Variants in TMEM232 observed in about 807,000 individuals in gnomAD.
TMEM232 encodes transmembrane protein 232.
Under a neutral mutation model 78.8 loss-of-function variants are expected in TMEM232, and 80 were observed. The observed-to-expected ratio is 1.01, with a 90% CI of 0.85 to 1.22. TMEM232 has a LOEUF of 1.22. TMEM232 is among the 50% of genes most tolerant of loss of function. TMEM232 has a pLI of 0.00. For missense variants in TMEM232, 881 were observed against 742.2 expected, an observed-to-expected ratio of 1.19 and a Z score of -2.17; for synonymous variants, 297 against 254.3, an observed-to-expected ratio of 1.17 and a Z score of -1.60.
chr5:110,574,685 C>T (rs1019481806), intron 10 of TMEM232, among the ~76,000 whole-genome samples: 7 of 152,024 alleles, frequency 4.6e-5, no homozygotes, highest in African/African-American at 1.7e-4. Context: ...CCATAGTTGA[C>T]CATACTCTAT....
chr5:110,617,459 TG>T (rs1040883190), intron 8 of TMEM232, among the ~76,000 whole-genome samples: 2 of 152,158 alleles, frequency 1.3e-5, no homozygotes, highest in Admixed American at 1.3e-4. Context: ...TGTGAGGTGA[TG>T]GATATGTTAA....
chr5:110,627,301 C>T lies in TMEM232; in HGVS notation c.601+480G>A, dbSNP rs968559158. 3.3e-5 allele frequency among the ~76,000 whole-genome samples: 5 copies of T among 151,708 alleles called. No homozygotes were observed. In the South Asian group the frequency reaches 1.0e-3, roughly 32 times the overall value. ...AAATTCAGGGAGGTAGATACTATTACAAATAAGAAAACTGAGTCACAAAAA... is the reference window on the plus strand; with the variant it reads ...AAATTCAGGGAGGTAGATACTATTATAAATAAGAAAACTGAGTCACAAAAA... On this transcript the variant is annotated intron_variant, in intron 6 of 13. Coordinates refer to ENST00000455884, the MANE Select transcript of TMEM232 (RefSeq NM_001039763.4).
intron 2 of TMEM232, among the ~76,000 whole-genome samples, chr5:110,402,777 A>C (rs1383962760): frequency 6.6e-6 from 1 of 152,108 alleles, no homozygotes; most frequent in Non-Finnish European, 1.5e-5. Context: ...GCCTACAATG[A>C]ATGACACTTG....
At chr5:110,607,810 C>A (rs368673465) in intron 8 of TMEM232, among the ~76,000 whole-genome samples, 2 of 151,734 alleles carry the variant, frequency 1.3e-5, no homozygotes, top group East Asian at 1.9e-4. Flanking sequence ...TTCTCCTTTG[C>A]GCATCCTCTT....
chr5:110,606,302 G>C lies in TMEM232; in HGVS notation c.903-15C>G. Reference sequence around the variant, plus strand: ...CTGAATCCAACCTGAAAATTTTATGGACGAAAGGATAAAGATTTTAATGGA... The same window carrying C: ...CTGAATCCAACCTGAAAATTTTATGCACGAAAGGATAAAGATTTTAATGGA... On this transcript the variant is annotated splice_polypyrimidine_tract_variant and intron_variant, in intron 8 of 13. Transcript: ENST00000455884. 1 of 1,506,662 alleles carries C rather than the reference G, an allele frequency of 6.6e-7. No homozygotes were observed. The highest frequency in any genetic ancestry group is 8.9e-7 in the Non-Finnish European group (1 of 1,123,734). The allele number at this position is 1,506,662 out of a possible 1,614,324, so 93.3% of individuals were successfully genotyped here. A position where few individuals can be genotyped will look rare whatever the true frequency, so the allele number is the denominator to read the frequency against.
intron 12 of TMEM232, among the ~76,000 whole-genome samples, chr5:110,481,142 A>G (rs1166329374): frequency 1.3e-5 from 2 of 152,122 alleles, no homozygotes; most frequent in Non-Finnish European, 2.9e-5. Flanking sequence ...TAGGCAGAAT[A>G]TAATATATTC....
intron 1 of TMEM232, among the ~76,000 whole-genome samples, chr5:110,688,650 C>T (rs979652264): frequency 1.3e-5 from 2 of 152,090 alleles, no homozygotes; most frequent in African/African-American, 2.4e-5. Context: ...TGACCCAATA[C>T]CCTGAGGTAC....
At chr5:110,642,142 T>C in intron 3 of TMEM232, 118 bp downstream of exon 3, 1 of 572,102 alleles carries the variant, frequency 1.7e-6, no homozygotes, top group Non-Finnish European at 2.8e-6. Flanking sequence ...TAACTATCCC[T>C]ACTTATAATT....
At chr5:110,695,038 A>T (rs1006535918) in intron 1 of TMEM232, among the ~76,000 whole-genome samples, 2 of 152,066 alleles carry the variant, frequency 1.3e-5, no homozygotes, top group Non-Finnish European at 2.9e-5. Context: ...CCAAAATTGA[A>T]CACATAGTTG....
intron 11 of TMEM232, among the ~76,000 whole-genome samples, chr5:110,562,210 T>C (rs1049213480): frequency 6.6e-6 from 1 of 152,124 alleles, no homozygotes; most frequent in Non-Finnish European, 1.5e-5. Flanking sequence ...CCACTTAGCA[T>C]CTCTGTTTCC....
At chr5:110,463,958 G>T (rs569761827) in intron 12 of TMEM232, among the ~76,000 whole-genome samples, 1 of 152,286 alleles carries the variant, frequency 6.6e-6, no homozygotes, top group African/African-American at 2.4e-5. Context: ...CCTCCTATTT[G>T]AAATACTCAT....
intron 12 of TMEM232, among the ~76,000 whole-genome samples, chr5:110,504,547 A>G (rs1419253879): frequency 6.6e-6 from 1 of 152,222 alleles, no homozygotes; most frequent in African/African-American, 2.4e-5. Context: ...CAAGATCTGC[A>G]GTTGGCAAGC....
intron 12 of TMEM232, among the ~76,000 whole-genome samples, chr5:110,522,857 G>T (rs1769752369): frequency 6.6e-6 from 1 of 152,064 alleles, no homozygotes; most frequent in Non-Finnish European, 1.5e-5. Flanking sequence ...ATTCATAAAA[G>T]TTATTGGTGT....
At chr5:110,676,173 A>G (rs374503730) in intron 1 of TMEM232, among the ~76,000 whole-genome samples, 14 of 152,212 alleles carry the variant, frequency 9.2e-5, no homozygotes, top group African/African-American at 3.1e-4. Flanking sequence ...TCCTCCATCA[A>G]TGGACACTTA....
chr5:110,549,474 G>T (rs1014647354), intron 11 of TMEM232, among the ~76,000 whole-genome samples: 14 of 151,748 alleles, frequency 9.2e-5, no homozygotes, highest in Admixed American at 3.3e-4. Flanking sequence ...AATAAGCTGG[G>T]CATGATGGCC....
At chr5:110,417,864 C>G (rs967239167), downstream of TMEM232, 1 of 152,010 alleles carries the variant, frequency 6.6e-6, no homozygotes. Flanking sequence ...AAGAAAATAC[C>G]TGATTCTTCC....
chr5:110,563,259 A>G (rs1409352802), intron 11 of TMEM232, among the ~76,000 whole-genome samples: 1 of 151,942 alleles, frequency 6.6e-6, no homozygotes, highest in Non-Finnish European at 1.5e-5. Flanking sequence ...TCTAATATCT[A>G]AAATATATTT....
rs545393048 is a variant in TMEM232 at position 110,445,676 on chromosome 5, T to C, written c.1704-20760A>G. Among the ~76,000 whole-genome samples the C allele has an allele frequency of 5.5e-4, 84 of 152,318 alleles. 1 individual carries two copies. Among genetic ancestry groups the C allele is most frequent in the African/African-American group, 1.9e-3 (81 of 41,566 alleles). On this transcript the variant is annotated intron_variant, in intron 12 of 13. Coordinates refer to ENST00000455884, the MANE Select transcript of TMEM232 (RefSeq NM_001039763.4). ...TCTCCAAAGGTTGAAGTCAGGATGT[T>C]GTCAGAGGCTTCGGACACATCAAAG...
intron 12 of TMEM232, among the ~76,000 whole-genome samples, chr5:110,509,123 T>A (rs1051072655): frequency 6.7e-6 from 1 of 150,216 alleles, no homozygotes. Context: ...AAATAATTCA[T>A]AAATCTTATT....
Sources: gnomAD v4.1 joint callset for allele counts (sites outside exome capture counted in the v4.1 genomes callset) on GRCh38, gnomAD v4.1.1 for gene constraint, MANE v1.5 for transcripts, NCBI Gene and HGNC (gene_info 2026-07-23, HGNC 2026-07-21) for gene names.